The following NCLN variants were observed in gnomAD, a reference collection of about 807,000 sequenced individuals.
NCLN encodes nicalin.
In NCLN, 34 loss-of-function variants were observed where a neutral mutation model predicts 69.5. That is an observed-to-expected ratio of 0.49 (90% CI 0.37 to 0.65). The LOEUF (loss-of-function observed/expected upper bound fraction) is 0.65. NCLN is among the 30% of genes least tolerant of loss of function. The pLI is 0.00. For missense variants in NCLN, 710 were observed against 804.8 expected (o/e 0.88, Z 1.42); for synonymous variants, 393 against 358.3 (o/e 1.10, Z -1.09).
In NCLN at chr19:3,207,970, G is replaced by A. The variant is rs1351764098; in HGVS notation, c.*282G>A. 6 of 472,336 alleles carry A rather than the reference G, an allele frequency of 1.3e-5. No individual in the cohort carries two copies. Among genetic ancestry groups the A allele is most frequent in the South Asian group, 2.7e-5 (1 of 37,536 alleles). 29.3% of individuals were successfully genotyped at this position (472,336 alleles called of 1,614,324 possible). On this transcript the variant is annotated 3_prime_UTR_variant, in exon 15 of 15. Coordinates refer to ENST00000246117, the MANE Select transcript of NCLN (RefSeq NM_020170.4). Reference sequence around the variant, plus strand: ...CTTGCGGACGAGCCCCCCAGTCCTGGGAGCCGGCCGCCCTCGGTCTGGTGT... The same window carrying A: ...CTTGCGGACGAGCCCCCCAGTCCTGAGAGCCGGCCGCCCTCGGTCTGGTGT...
chr19:3,195,679 A>G (rs1436425609), intron 3 of NCLN, among the ~76,000 whole-genome samples: 2 of 151,910 alleles, frequency 1.3e-5, no homozygotes, highest in Non-Finnish European at 2.9e-5. Context: ...TAATCTTAGC[A>G]CTTTGGGAGG....
intron 7 of NCLN, 25 bp from the exon 8 acceptor site, chr19:3,203,980 C>T (rs2085988275): frequency 1.9e-6 from 3 of 1,548,294 alleles, no homozygotes; most frequent in African/African-American, 2.7e-5. Flanking sequence ...CCCCACCCAC[C>T]CCGCCAGCTC....
At chr19:3,190,723 C>T (rs1030371771) in intron 1 of NCLN, among the ~76,000 whole-genome samples, 2 of 152,222 alleles carry the variant, frequency 1.3e-5, no homozygotes, top group Non-Finnish European at 2.9e-5. Context: ...ACGGGAGGCT[C>T]CGGGGCCCGC....
intron 1 of NCLN, among the ~76,000 whole-genome samples, chr19:3,190,704 G>A (rs746500666): frequency 2.3e-4 from 35 of 152,276 alleles, no homozygotes; most frequent in Non-Finnish European, 3.4e-4. Context: ...CTTCCTGCAC[G>A]GGTCTCACAC....
At chr19:3,198,408 G>A (rs1051355394) in intron 4 of NCLN, among the ~76,000 whole-genome samples, 5 of 151,532 alleles carry the variant, frequency 3.3e-5, no homozygotes, top group African/African-American at 9.7e-5. Context: ...TCTGGAGGCC[G>A]AGGCAGGAGA....
Position 3,207,170 on chromosome 19 carries a change from G to A in NCLN, c.1500-28G>A. ...TTAAGAATTAGCTGGGCGCAGTGGTGCCCCCTGAGAAAGTGCTCTCTCCCC... is the reference window on the plus strand; with the variant it reads ...TTAAGAATTAGCTGGGCGCAGTGGTACCCCCTGAGAAAGTGCTCTCTCCCC... On this transcript the variant is annotated intron_variant, in intron 12 of 14. Transcript: ENST00000246117. The A allele has an allele frequency of 1.9e-6, 3 of 1,612,762 alleles. No homozygotes were observed. The South Asian group carries it at 3.3e-5, about 18-fold the overall frequency.
intron 5 of NCLN, among the ~76,000 whole-genome samples, chr19:3,200,625 GATA>G (rs1916101612): frequency 6.6e-6 from 1 of 151,986 alleles, no homozygotes; most frequent in Non-Finnish European, 1.5e-5. Flanking sequence ...TATTTTTTGA[GATA>G]ATGATAGAAC....
At chr19:3,196,931 G>T (rs926444615) in intron 4 of NCLN, among the ~76,000 whole-genome samples, 4 of 152,264 alleles carry the variant, frequency 2.6e-5, no homozygotes, top group Non-Finnish European at 5.9e-5. Flanking sequence ...TGTCGGGGGA[G>T]CCCTGAACAA....
rs757009188 is a variant in NCLN at position 3,203,789 on chromosome 19, C to A, written c.834C>A (p.Gly278=). 8.7e-6 allele frequency: 14 copies of A among 1,613,414 alleles called. No individual in the cohort carries two copies. The highest frequency in any genetic ancestry group is 1.2e-5 in the Non-Finnish European group (14 of 1,179,886). ...TCCTGTTCTTTGCGTCTGGAGGAGGCAAGTTTAACTACCAGGGAACCAAGC... is the reference window on the plus strand; with the variant it reads ...TCCTGTTCTTTGCGTCTGGAGGAGGAAAGTTTAACTACCAGGGAACCAAGC... ...YNLLFFASGG[G]KFNYQGTKRW... Residue 278 remains glycine (G), a synonymous_variant, in exon 7 of 15, where the codon GGC becomes GGA. Transcript: ENST00000246117.
chr19:3,203,792 G>A lies in NCLN; in HGVS notation c.837G>A (p.Lys279=). Reference sequence around the variant, plus strand: ...TGTTCTTTGCGTCTGGAGGAGGCAAGTTTAACTACCAGGGAACCAAGCGCT... The same window carrying A: ...TGTTCTTTGCGTCTGGAGGAGGCAAATTTAACTACCAGGGAACCAAGCGCT... ...NLLFFASGGG[K]FNYQGTKRWL... Residue 279 remains lysine (K), a synonymous_variant, in exon 7 of 15, where the codon AAG becomes AAA. Coordinates refer to ENST00000246117, the MANE Select transcript of NCLN (RefSeq NM_020170.4). The A allele has an allele frequency of 1.2e-6, 2 of 1,613,448 alleles. No homozygotes were observed. The highest frequency in any genetic ancestry group is 1.7e-6 in the Non-Finnish European group (2 of 1,179,900).
chr19:3,189,040 G>A (rs1398240576), intron 1 of NCLN, among the ~76,000 whole-genome samples: 3 of 152,228 alleles, frequency 2.0e-5, no homozygotes, highest in Admixed American at 1.3e-4. Context: ...ACCCTTACTC[G>A]CTGGGGAGTC....
At position 3,207,215 on chromosome 19, in the gene NCLN, T is replaced by C. The variant is rs376167818; in HGVS notation, c.1517T>C (p.Phe506Ser). 2 of 1,613,670 alleles carry C rather than the reference T, an allele frequency of 1.2e-6. No individual in the cohort carries two copies. The highest frequency in any genetic ancestry group is 1.3e-5 in the African/African-American group (1 of 74,930). The change falls in exon 13 of 15, where the codon TTC becomes TCC. Residue 506 changes from phenylalanine (F) to serine (S), a missense_variant. By Grantham distance (155) the Phe-to-Ser change is radical. Coordinates refer to ENST00000246117, the MANE Select transcript of NCLN (RefSeq NM_020170.4). ...CTCCCCAGGGACCCAGAGTTTGTCT[T>C]CTACGACCAGCTGAAGCAAGTGATG... The part of the protein sequence containing the change: ...KADKRDPEFV[F>S]YDQLKQVMNA...
rs774615288 is a variant in NCLN, at chr19:3,192,529, C to T, written c.244C>T (p.Arg82Cys). 1.7e-5 allele frequency: 28 copies of T among 1,609,026 alleles called. No homozygotes were observed. The highest frequency in any genetic ancestry group is 8.8e-5 in the South Asian group (8 of 90,614). The stretch of plus-strand genomic sequence containing the variant: ...CACGATGGCGGCGGAGGTGCTGAGC[C>T]GCCGCTGCGTGCTCATGCGGCTACT... ...ARTMAAEVLS[R>C]RCVLMRLLDF... Residue 82 changes from arginine to cysteine, a missense_variant, in exon 2 of 15, where the codon CGC becomes TGC. Physicochemically the swap from Arg to Cys is radical, Grantham distance 180. Transcript: ENST00000246117.
chr19:3,199,515 G>A (rs1040875083), intron 5 of NCLN, among the ~76,000 whole-genome samples: 1 of 152,176 alleles, frequency 6.6e-6, no homozygotes, highest in Non-Finnish European at 1.5e-5. Context: ...AAACCATGGT[G>A]TTTGCAGGAA....
At chr19:3,199,599 C>T (rs746854768) in intron 5 of NCLN, among the ~76,000 whole-genome samples, 3 of 143,856 alleles carry the variant, frequency 2.1e-5, no homozygotes, top group East Asian at 2.3e-4. Context: ...CTCAGGCCTG[C>T]GGCACAAGCT....
chr19:3,194,050 A>G (rs923395110), intron 3 of NCLN, among the ~76,000 whole-genome samples: 3 of 152,232 alleles, frequency 2.0e-5, no homozygotes, highest in African/African-American at 7.2e-5. Flanking sequence ...AAGGGAGGCC[A>G]GAGCCCAGGG....
In NCLN at chr19:3,192,761, C is replaced by T. The variant is rs549678501; in HGVS notation, c.375+101C>T. 9.1e-6 allele frequency: 10 copies of T among 1,100,972 alleles called. No individual in the cohort carries two copies. The East Asian group carries it at 1.5e-4, about 16-fold the overall frequency. 68.2% of individuals were successfully genotyped at this position (1,100,972 alleles called of 1,614,324 possible). A position where few individuals can be genotyped will look rare whatever the true frequency, so the allele number is the denominator to read the frequency against. On this transcript the variant is annotated intron_variant, in intron 2 of 14. Transcript: ENST00000246117. ...GCGGGTCACTTCGCCTCTCTGAGCC[C>T]TTTGGAAAGTAGGATGGACTGTTCC... is the stretch of plus-strand genomic sequence containing the variant.
chr19:3,201,548 A>C lies in NCLN; in HGVS notation c.722A>C (p.Asn241Thr). 6.4e-7 allele frequency: 1 copy of C among 1,563,046 alleles called. No individual in the cohort carries two copies. The change falls in exon 6 of 15, where the codon AAC becomes ACC. Residue 241 changes from asparagine to threonine, a missense_variant. Coordinates refer to ENST00000246117, the MANE Select transcript of NCLN (RefSeq NM_020170.4). ...TGGCTGTCGCTGGGCGCGGACTCCA[A>C]CGGGAGCGGCGTCTCTGTGCTGCTG... ...APWLSLGADS[N>T]GSGVSVLLEL...
chr19:3,196,909 G>A (rs757293417), intron 4 of NCLN, among the ~76,000 whole-genome samples: 24 of 152,242 alleles, frequency 1.6e-4, no homozygotes, highest in East Asian at 7.7e-4. Context: ...CACAGATGAG[G>A]GGTTGCCTCA....
Sources: gnomAD v4.1 joint callset for allele counts (sites outside exome capture counted in the v4.1 genomes callset) on GRCh38, gnomAD v4.1.1 for gene constraint, MANE v1.5 for transcripts, NCBI Gene and HGNC (gene_info 2026-07-23, HGNC 2026-07-21) for gene names.